Variants in TRPM5 observed in about 807,000 individuals in gnomAD.
The protein encoded by TRPM5 is transient receptor potential cation channel subfamily M member 5, also known as MLSN1 and TRP-related.
TRPM5 carries 121 observed loss-of-function variants against 124.9 expected under a neutral mutation model. The observed-to-expected ratio is 0.97, with a 90% CI of 0.84 to 1.13. The LOEUF (loss-of-function observed/expected upper bound fraction) is 1.13, where lower values mean the gene tolerates loss of function less well. TRPM5 is among the 50% of genes most tolerant of loss of function. The pLI is 0.00. For synonymous variants in TRPM5, 781 were observed against 700.5 expected (o/e 1.11, Z -1.81); for missense variants, 1,643 against 1,589.1 (o/e 1.03, Z -0.58).
At chr11:2,440,524 C>A in the TRPM5 span, among the ~76,000 whole-genome samples, 1 of 152,142 alleles carries the variant, frequency 6.6e-6, no homozygotes, top group African/African-American at 2.4e-5. The surrounding 1 kb of genome is among the most constrained non-coding windows in gnomAD (Gnocchi z 5.2). Flanking sequence ...CATGCAGAGT[C>A]CTCCTCCAAC....
exon 11 of TRPM5, chr11:2,414,804 C>T (rs374544973): frequency 2.5e-6 from 4 of 1,581,610 alleles, no homozygotes; most frequent in African/African-American, 2.7e-5. Flanking sequence ...GAGGATTTTG[C>T]AGGCGGCCAG....
intron 23 of TRPM5, 126 bp downstream of exon 28, chr11:2,405,401 A>G: frequency 2.9e-6 from 3 of 1,019,802 alleles, no homozygotes; most frequent in Non-Finnish European, 4.3e-6. Flanking sequence ...GCGTCCAGCC[A>G]AGGCCTCCTG....
rs980008365 is a variant in TRPM5, at chr11:2,422,714, G to A, written c.117+206C>T. Among the ~76,000 whole-genome samples the A allele has an allele frequency of 5.9e-5, 9 of 152,058 alleles. No individual in the cohort carries two copies. The South Asian group carries it at 1.0e-3, about 18-fold the overall frequency. On this transcript the variant is annotated intron_variant, in intron 1 of 23. Coordinates refer to ENST00000155858, the Ensembl canonical transcript of TRPM5. Reference sequence around the variant, plus strand: ...CTCTCGGGGGGACTTCAGGGGTCCCGGTTATTGCAGGGAGGTAGGAGGCCG... The same window carrying A: ...CTCTCGGGGGGACTTCAGGGGTCCCAGTTATTGCAGGGAGGTAGGAGGCCG...
the TRPM5 span, among the ~76,000 whole-genome samples, chr11:2,443,829 C>T: frequency 3.5e-4 from 52 of 149,982 alleles, no homozygotes; most frequent in East Asian, 6.3e-3. This position sits in a 1 kb window ranked among gnomAD's most constrained non-coding sequence, Gnocchi z 5.0. Context: ...CCCCACCCCC[C>T]CCCCAAGCCT....
chr11:2,431,317 C>T, the TRPM5 span, among the ~76,000 whole-genome samples: 2 of 152,028 alleles, frequency 1.3e-5, no homozygotes, highest in Non-Finnish European at 2.9e-5. Flanking sequence ...CTGGGCAAGG[C>T]GGAGGGTCCA....
exon 20 of TRPM5, chr11:2,407,185 T>C: frequency 6.2e-7 from 1 of 1,611,372 alleles, no homozygotes; most frequent in Non-Finnish European, 8.5e-7. Context: ...CTCAGGTGGC[T>C]GAGCAGGATG....
chr11:2,420,298 C>CG lies in TRPM5; in HGVS notation c.572dup (p.Lys193GlufsTer41), dbSNP rs1444496719. On this transcript the variant is annotated frameshift_variant, in exon 4 of 24. Coordinates refer to ENST00000155858, the Ensembl canonical transcript of TRPM5. LOFTEE classifies it high-confidence loss of function. The stretch of plus-strand genomic sequence containing the variant: ...GCTCCGTCAGCCCATCGCCCTTCCC[C>CG]GGGGGGCCTGGCTCCACCAGGATGA... The CG allele has an allele frequency of 1.2e-6, 2 of 1,612,606 alleles. No homozygotes were observed. The highest frequency in any genetic ancestry group is 2.2e-5 in the South Asian group (2 of 91,088).
chr11:2,421,094 C>T, exon 3 of TRPM5: 1 of 1,549,616 alleles, frequency 6.5e-7, no homozygotes. Flanking sequence ...CCGACAGCAA[C>T]CACACGGACC....
exon 21 of TRPM5, chr11:2,406,752 AGGT>A: frequency 1.2e-6 from 2 of 1,613,462 alleles, no homozygotes; most frequent in Non-Finnish European, 1.7e-6. Flanking sequence ...ACTGTCTCCC[AGGT>A]GACGACCTTC....
At chr11:2,418,958 G>A (rs1436828762) in intron 4 of TRPM5, among the ~76,000 whole-genome samples, 1 of 152,174 alleles carries the variant, frequency 6.6e-6, no homozygotes, top group Non-Finnish European at 1.5e-5. Context: ...AGCTCTGCTG[G>A]GTGGGCTGCG....
At chr11:2,417,972 C>A (rs569343666) in intron 6 of TRPM5, 143 bp from the exon 12 acceptor site, 2 of 994,464 alleles carry the variant, frequency 2.0e-6, no homozygotes, top group Non-Finnish European at 3.0e-6. Flanking sequence ...CCGGGCCCGG[C>A]CTGGGACCAC....
chr11:2,418,426 G>C, intron 5 of TRPM5, 68 bp from the exon 11 acceptor site: 2 of 1,501,532 alleles, frequency 1.3e-6, no homozygotes, highest in Non-Finnish European at 1.8e-6. Flanking sequence ...CAGGTGTCAG[G>C]GGTGCCCCCA....
chr11:2,419,585 C>T (rs1008420071), intron 4 of TRPM5, among the ~76,000 whole-genome samples: 2 of 147,476 alleles, frequency 1.4e-5, no homozygotes, highest in African/African-American at 5.2e-5. Flanking sequence ...TCCTGCACTC[C>T]AGCCTGGGGG....
At position 2,407,187 on chromosome 11, in the gene TRPM5, A is replaced by G. The variant is rs750199656; in HGVS notation, c.3050T>C (p.Leu1017Pro). Residue 1017 changes from leucine to proline, a missense_variant, in exon 20 of 24, where the codon CTC (leucine) becomes CCC (proline). Transcript: ENST00000155858. The stretch of plus-strand genomic sequence containing the variant: ...GCGGAGCGTCAGGCTCAGGTGGCTG[A>G]GCAGGATGAAGGGCGGGGCCAGGGC... 4 of 1,611,262 alleles carry G rather than the reference A, an allele frequency of 2.5e-6. No homozygotes were observed. The highest frequency in any genetic ancestry group is 1.7e-5 in the Admixed American group (1 of 59,648).
At chr11:2,416,487 C>T (rs972732013) in intron 7 of TRPM5, among the ~76,000 whole-genome samples, 3 of 152,184 alleles carry the variant, frequency 2.0e-5, no homozygotes, top group African/African-American at 4.8e-5. Context: ...TGCTGGAAAC[C>T]GCTGTCCTCA....
chr11:2,437,257 G>C, the TRPM5 span, among the ~76,000 whole-genome samples: 3 of 152,228 alleles, frequency 2.0e-5, no homozygotes, highest in African/African-American at 7.2e-5. This position sits in a 1 kb window ranked among gnomAD's most constrained non-coding sequence, Gnocchi z 5.6. Flanking sequence ...TTGTCGTCTT[G>C]GAAGAGGAGG....
chr11:2,436,719 C>T, the TRPM5 span, among the ~76,000 whole-genome samples: 1,910 of 152,320 alleles, frequency 0.013, 28 homozygotes, highest in Middle Eastern at 0.02. Context: ...AAGGTGATGC[C>T]GACAACTCCA....
intron 20 of TRPM5, 103 bp downstream of exon 25, chr11:2,407,016 G>C (rs1850336161): frequency 1.4e-6 from 2 of 1,386,546 alleles, no homozygotes; most frequent in African/African-American, 1.5e-5. Context: ...ACAGGGCTGA[G>C]GAGGGGTCCA....
At chr11:2,412,666 G>A in intron 15 of TRPM5, 88 bp downstream of exon 20, 1 of 1,370,660 alleles carries the variant, frequency 7.3e-7, no homozygotes, top group Non-Finnish European at 9.8e-7. Flanking sequence ...CAGTTGGGGA[G>A]CCCCACCCTG....
Sources: gnomAD v4.1 joint callset for allele counts (sites outside exome capture counted in the v4.1 genomes callset) on GRCh38, gnomAD v4.1.1 for gene constraint, Gnocchi (gnomAD v3.1) non-coding constraint, MANE v1.5 for transcripts, NCBI Gene and HGNC (gene_info 2026-07-23, HGNC 2026-07-21) for gene names.